The following CHCHD6 variants were observed in gnomAD, a reference collection of about 807,000 sequenced individuals.
CHCHD6 encodes the protein MICOS complex subunit MIC25.
In CHCHD6, 28 loss-of-function variants were observed where a neutral mutation model predicts 32.3. The ratio of observed to expected loss-of-function variants is 0.87; its 90% CI spans 0.64 to 1.19. The LOEUF (loss-of-function observed/expected upper bound fraction) is 1.19, where lower values mean the gene tolerates loss of function less well. Among genes scored for constraint, CHCHD6 ranks in the 50% most tolerant of loss-of-function variants. The probability of loss-of-function intolerance (pLI) is 0.00; values close to 1 mark genes in which losing one functional copy is unlikely to be tolerated. For synonymous variants in CHCHD6, 122 were observed against 117.5 expected (o/e 1.04, Z -0.25); for missense variants, 333 against 307.0 (o/e 1.08, Z -0.63).
chr3:126,897,759 C>T (rs2077861793), intron 5 of CHCHD6, among the ~76,000 whole-genome samples: 2 of 152,148 alleles, frequency 1.3e-5, no homozygotes, highest in Admixed American at 1.3e-4. Flanking sequence ...TCAGTTTGTC[C>T]CCCTAGGCCC....
At chr3:126,761,555 A>G (rs989621140) in intron 4 of CHCHD6, among the ~76,000 whole-genome samples, 1 of 152,140 alleles carries the variant, frequency 6.6e-6, no homozygotes, top group Non-Finnish European at 1.5e-5. Context: ...TTTCCCAAGT[A>G]TCTGGGACTA....
chr3:126,788,992 A>C (rs1052926063), intron 4 of CHCHD6, among the ~76,000 whole-genome samples: 20 of 152,080 alleles, frequency 1.3e-4, no homozygotes, highest in Non-Finnish European at 2.4e-4. Flanking sequence ...CACTGCTTTA[A>C]ATGTGTCCCA....
intron 4 of CHCHD6, among the ~76,000 whole-genome samples, chr3:126,841,957 G>A (rs985001321): frequency 7.3e-5 from 11 of 151,418 alleles, no homozygotes; most frequent in Non-Finnish European, 1.3e-4. Context: ...TGTTGGAAAT[G>A]TTTAATCTAG....
At chr3:126,956,558 A>AGG (rs10666918) in intron 6 of CHCHD6, among the ~76,000 whole-genome samples, 84,844 of 151,680 alleles carry the variant, frequency 0.56, 26,047 homozygotes, top group Non-Finnish European at 0.69. Context: ...CCTGGCTGGC[A>AGG]GGGAGTGCAC....
intron 5 of CHCHD6, among the ~76,000 whole-genome samples, chr3:126,891,426 T>G (rs1391328805): frequency 6.6e-6 from 1 of 151,938 alleles, no homozygotes; most frequent in Non-Finnish European, 1.5e-5. Context: ...ACCAGGAGTC[T>G]AGTGGGAGTG....
At chr3:126,771,831 TTG>T (rs1937548351) in intron 4 of CHCHD6, among the ~76,000 whole-genome samples, 2 of 152,360 alleles carry the variant, frequency 1.3e-5, no homozygotes, top group Admixed American at 1.3e-4. Context: ...TTCTGGTATG[TTG>T]TATCTTTGTT....
chr3:126,707,394 A>G (rs148471650), intron 1 of CHCHD6, among the ~76,000 whole-genome samples: 352 of 152,350 alleles, frequency 2.3e-3, no homozygotes, highest in African/African-American at 7.7e-3. Context: ...AAAATGCTGC[A>G]GTTATATTCA....
At chr3:126,912,721 T>C (rs1219708857) in intron 5 of CHCHD6, among the ~76,000 whole-genome samples, 1 of 152,208 alleles carries the variant, frequency 6.6e-6, no homozygotes, top group Non-Finnish European at 1.5e-5. Context: ...CCTCATCACA[T>C]GAGCCAGGTG....
intron 4 of CHCHD6, among the ~76,000 whole-genome samples, chr3:126,806,990 T>G (rs1310413623): frequency 2.2e-5 from 3 of 136,600 alleles, no homozygotes; most frequent in Non-Finnish European, 4.5e-5. Flanking sequence ...TAGATGGGAA[T>G]TGAACAGTGA....
chr3:126,901,391 G>A (rs2077925861), intron 5 of CHCHD6, among the ~76,000 whole-genome samples: 1 of 152,188 alleles, frequency 6.6e-6, no homozygotes, highest in African/African-American at 2.4e-5. Flanking sequence ...TCAGTCCTGT[G>A]GCCAGGGCAC....
At chr3:126,847,078 A>G (rs1312932724) in intron 4 of CHCHD6, among the ~76,000 whole-genome samples, 1 of 152,190 alleles carries the variant, frequency 6.6e-6, no homozygotes. Flanking sequence ...ATCAGTTCAT[A>G]TATTAGTTAA....
At chr3:126,761,438 A>C (rs1424257122) in intron 4 of CHCHD6, among the ~76,000 whole-genome samples, 1 of 152,192 alleles carries the variant, frequency 6.6e-6, no homozygotes, top group African/African-American at 2.4e-5. Context: ...TTAACTAATT[A>C]CATCTGTAAA....
intron 6 of CHCHD6, among the ~76,000 whole-genome samples, chr3:126,937,378 A>G (rs2078495556): frequency 6.6e-6 from 1 of 152,112 alleles, no homozygotes; most frequent in African/African-American, 2.4e-5. Context: ...AGAGATTTGG[A>G]TGAGAGATGG....
intron 6 of CHCHD6, among the ~76,000 whole-genome samples, chr3:126,938,384 T>C (rs373999625): frequency 2.6e-5 from 4 of 152,294 alleles, no homozygotes; most frequent in African/African-American, 9.6e-5. Flanking sequence ...TGTAAGATGG[T>C]GATACGAGAA....
At chr3:126,922,261 AG>A (rs1473491013) in intron 6 of CHCHD6, among the ~76,000 whole-genome samples, 2 of 152,256 alleles carry the variant, frequency 1.3e-5, no homozygotes, top group Non-Finnish European at 2.9e-5. Flanking sequence ...CAGGAAGCTC[AG>A]CTGGCAGATG....
intron 4 of CHCHD6, among the ~76,000 whole-genome samples, chr3:126,789,852 T>A (rs1938432112): frequency 6.6e-6 from 1 of 152,206 alleles, no homozygotes; most frequent in Non-Finnish European, 1.5e-5. Flanking sequence ...TATGTGTGAA[T>A]TCGATCCTGT....
intron 5 of CHCHD6, among the ~76,000 whole-genome samples, chr3:126,879,029 C>T (rs2077574712): frequency 6.6e-6 from 1 of 152,208 alleles, no homozygotes; most frequent in Non-Finnish European, 1.5e-5. Context: ...GGGACCTTTG[C>T]TGGGCTCTTG....
intron 4 of CHCHD6, among the ~76,000 whole-genome samples, chr3:126,807,053 TGGGGGGA>T (rs1356502336): frequency 4.0e-5 from 2 of 50,378 alleles, no homozygotes; most frequent in African/African-American, 1.6e-4. Flanking sequence ...TGCTGTGGGG[TGGGGGGA>T]GGGGGGAGGG....
At chr3:126,705,026 G>C (rs1171174888) in intron 1 of CHCHD6, among the ~76,000 whole-genome samples, 1 of 152,086 alleles carries the variant, frequency 6.6e-6, no homozygotes, top group African/African-American at 2.4e-5. Flanking sequence ...CCCGCACCTC[G>C]TCCCCAGCCT....
Sources: allele counts gnomAD v4.1 joint callset (sites outside exome capture counted in the v4.1 genomes callset), GRCh38; gene constraint gnomAD v4.1.1; transcripts MANE v1.5; gene names NCBI Gene and HGNC (gene_info 2026-07-23, HGNC 2026-07-21).